The following INTS11 variants were observed in gnomAD, a reference collection of about 807,000 sequenced individuals.
The protein encoded by INTS11 is integrator complex subunit 11, also known as CPSF3-like protein.
Under a neutral mutation model 78.6 loss-of-function variants are expected in INTS11, and 77 were observed. The ratio of observed to expected loss-of-function variants is 0.98; its 90% confidence interval spans 0.81 to 1.18. INTS11 has a LOEUF of 1.18. INTS11 is among the 50% of genes most tolerant of loss of function. INTS11 has a pLI of 0.00. For synonymous variants in INTS11, 441 were observed against 326.9 expected, an observed-to-expected ratio of 1.35 and a Z score of -3.77; for missense variants, 875 against 825.9, an observed-to-expected ratio of 1.06 and a Z score of -0.73.
chr1:1,315,374 C>G (rs370437646), intron 6 of INTS11, 30 bp downstream of exon 6: 1 of 1,612,840 alleles, frequency 6.2e-7, no homozygotes, highest in African/African-American at 1.3e-5. Context: ...GGGGGGCCCA[C>G]GGGACAAAAA....
At chr1:1,317,556 C>T (rs1642693996) in intron 4 of INTS11, 1 of 514,530 alleles carries the variant, frequency 1.9e-6, no homozygotes, top group Non-Finnish European at 2.5e-6. Flanking sequence ...GAACGTCAGG[C>T]TCTCGGGGTC....
At position 1,312,445 on chromosome 1, in the gene INTS11, C is replaced by G; in HGVS notation, c.1459G>C (p.Asp487His). 6.4e-7 allele frequency: 1 copy of G among 1,569,992 alleles called. No individual in the cohort carries two copies. Among genetic ancestry groups the G allele is most frequent in the South Asian group, 1.2e-5 (1 of 85,918 alleles). Residue 487 changes from aspartate to histidine, a missense_variant, in exon 14 of 17, where the codon GAC (aspartate) becomes CAC (histidine). Coordinates refer to ENST00000435064, the MANE Select transcript of INTS11 (RefSeq NM_017871.6). Reference sequence around the variant, plus strand: ...GAGACCGTCCTGGCACTCACGCTGTCCTTCATGATCAGGGTGCCGTGCAGG... The same window carrying G: ...GAGACCGTCCTGGCACTCACGCTGTGCTTCATGATCAGGGTGCCGTGCAGG... Reference protein sequence around the residue: ...RLLHGTLIMKDSNFRLVSSEQ... With the variant: ...RLLHGTLIMKHSNFRLVSSEQ...
At position 1,319,792 on chromosome 1, in the gene INTS11, G is replaced by A. The variant is rs555786403; in HGVS notation, c.201-268C>T. 2.4e-4 allele frequency: 113 copies of A among 473,248 alleles called. 1 individual carries two copies. The East Asian group carries it at 2.5e-3, about 10-fold the overall frequency. The allele number at this position is 473,248 out of a possible 1,614,324, so 29.3% of individuals were successfully genotyped here. A position where few individuals can be genotyped will look rare whatever the true frequency, so the allele number is the denominator to read the frequency against. On this transcript the variant is annotated intron_variant, in intron 3 of 16. Transcript: ENST00000435064. ...ACAATGCAAAGCTGCTGAGGGAACC[G>A]CGCATAGGGGAGCCGCTGGCTTTTC...
rs199575761 is a variant in INTS11, at chr1:1,313,765, G to A, written c.924C>T (p.Phe308=). Residue 308 remains phenylalanine (F), a synonymous_variant, in exon 9 of 17, where the codon TTC becomes TTT. Coordinates refer to ENST00000435064, the MANE Select transcript of INTS11 (RefSeq NM_017871.6). ...NMFEFKHIKA[F]DRAFADNPGP... is the part of the protein sequence containing the mutation. ...CTGGGTTGTCAGCAAAAGCCCGGTC[G>A]AAGGCCTTGATGTGCTTGAACTCAA... The A allele has an allele frequency of 8.1e-5, 130 of 1,613,144 alleles. 2 individuals carry two copies. Among genetic ancestry groups the A allele is most frequent in the Non-Finnish European group, 1.0e-4 (121 of 1,179,974 alleles).
Position 1,313,768 on chromosome 1 carries a change from G to C in INTS11, c.921C>G (p.Ala307=). 6.2e-7 allele frequency: 1 copy of C among 1,613,314 alleles called. No homozygotes were observed. The highest frequency in any genetic ancestry group is 8.5e-7 in the Non-Finnish European group (1 of 1,179,986). The part of the protein sequence containing the change: ...RNMFEFKHIK[A]FDRAFADNPG... Reference sequence around the variant, plus strand: ...GGTTGTCAGCAAAAGCCCGGTCGAAGGCCTTGATGTGCTTGAACTCAAACA... The same window carrying C: ...GGTTGTCAGCAAAAGCCCGGTCGAACGCCTTGATGTGCTTGAACTCAAACA... The change falls in exon 9 of 17, where the codon GCC becomes GCG. Residue 307 remains alanine (A), a synonymous_variant. Coordinates refer to ENST00000435064, the MANE Select transcript of INTS11 (RefSeq NM_017871.6).
rs1259767060 is a variant in INTS11 at position 1,314,861 on chromosome 1, AG to A, written c.664del (p.Leu222Ter). Reference protein sequence around the residue: ...DSKRCRERDFLKKVHETVERG... With the variant: ...DSKRCRERDFXKKVHETVERG... ...CTCCACGGTCTCGTGGACTTTCTTC[AG>A]GAAGTCTCGCTCCCGGCAGCGCTTG... On this transcript the variant is annotated frameshift_variant, in exon 7 of 17. Coordinates refer to ENST00000435064, the MANE Select transcript of INTS11 (RefSeq NM_017871.6). LOFTEE classifies it high-confidence loss of function. This position sits in a 1 kb window ranked among gnomAD's most constrained non-coding sequence, Gnocchi z 4.2. The A allele has an allele frequency of 3.1e-6, 5 of 1,612,738 alleles. No homozygotes were observed. Among genetic ancestry groups the A allele is most frequent in the Non-Finnish European group, 4.2e-6 (5 of 1,179,858 alleles).
At chr1:1,322,883 T>G in intron 1 of INTS11, 1 of 1,215,240 alleles carries the variant, frequency 8.2e-7, no homozygotes, top group East Asian at 4.0e-5. Flanking sequence ...ACTTCGGCTT[T>G]GATGATACCT....
chr1:1,324,015 G>A (rs1159095389), intron 1 of INTS11, among the ~76,000 whole-genome samples: 2 of 29,216 alleles, frequency 6.8e-5, no homozygotes, highest in East Asian at 1.7e-3. Flanking sequence ...GGTCTGCTGG[G>A]CTGAGGGTCT....
At chr1:1,315,208 G>A in intron 6 of INTS11, 196 bp downstream of exon 6, 1 of 745,716 alleles carries the variant, frequency 1.3e-6, no homozygotes. Flanking sequence ...GGAAGAGAGA[G>A]AAGGAGGGAC....
Position 1,312,573 on chromosome 1 carries a change from G to A in INTS11, c.1402+20C>T. 5 of 1,576,658 alleles carry A rather than the reference G, an allele frequency of 3.2e-6. No homozygotes were observed. The highest frequency in any genetic ancestry group is 4.3e-6 in the Non-Finnish European group (5 of 1,157,960). Reference sequence around the variant, plus strand: ...CCGCCTGCCCCGAGCACCCTGCCCTGCCCTGCCCAGCCCGCATACCCTGCG... The same window carrying A: ...CCGCCTGCCCCGAGCACCCTGCCCTACCCTGCCCAGCCCGCATACCCTGCG... On this transcript the variant is annotated intron_variant, in intron 13 of 16. Coordinates refer to ENST00000435064, the MANE Select transcript of INTS11 (RefSeq NM_017871.6).
chr1:1,314,528 G>A lies in INTS11; in HGVS notation c.703-163C>T, dbSNP rs1351904562. ...CCCAGCCGCTCTCCAGAGACAGAAG[G>A]GAGCCGTATGAGAGACAGGAGGGAG... On this transcript the variant is annotated intron_variant, in intron 7 of 16. Coordinates refer to ENST00000435064, the MANE Select transcript of INTS11 (RefSeq NM_017871.6). This position sits in a 1 kb window ranked among gnomAD's most constrained non-coding sequence, Gnocchi z 4.2. 6.0e-6 allele frequency: 4 copies of A among 671,668 alleles called. No individual in the cohort carries two copies. The highest frequency in any genetic ancestry group is 3.0e-5 in the Admixed American group (1 of 33,890). 41.6% of individuals were successfully genotyped at this position (671,668 alleles called of 1,614,324 possible). A position where few individuals can be genotyped will look rare whatever the true frequency, so the allele number is the denominator to read the frequency against.
Position 1,314,674 on chromosome 1 carries a change from T to A in INTS11, c.702+150A>T. 1 of 1,023,204 alleles carries A rather than the reference T, an allele frequency of 9.8e-7. No homozygotes were observed. 63.4% of individuals were successfully genotyped at this position (1,023,204 alleles called of 1,614,324 possible). A position where few individuals can be genotyped will look rare whatever the true frequency, so the allele number is the denominator to read the frequency against. Reference sequence around the variant, plus strand: ...GGAAAGGGTCTCTGAGTTTTCCTCCTCAATGTTGAGCAAATCTTCTTCCCT... The same window carrying A: ...GGAAAGGGTCTCTGAGTTTTCCTCCACAATGTTGAGCAAATCTTCTTCCCT... On this transcript the variant is annotated intron_variant, in intron 7 of 16. Coordinates refer to ENST00000435064, the MANE Select transcript of INTS11 (RefSeq NM_017871.6). The surrounding 1 kb of genome is among the most constrained non-coding windows in gnomAD (Gnocchi z 4.2).
intron 6 of INTS11, 176 bp from the exon 7 acceptor site, chr1:1,315,138 C>CA: frequency 1.2e-6 from 1 of 804,846 alleles, no homozygotes; most frequent in Non-Finnish European, 1.9e-6. Flanking sequence ...AGAGGAGAGA[C>CA]AGAGGCACCC....
chr1:1,312,181 T>G (rs1478253897), intron 15 of INTS11, 34 bp from the exon 16 acceptor site: 1 of 1,362,966 alleles, frequency 7.3e-7, no homozygotes, highest in Non-Finnish European at 9.4e-7. Context: ...CTGCCTGGCC[T>G]CCAGGGCCCA....
At chr1:1,313,168 G>A in intron 10 of INTS11, 44 bp from the exon 11 acceptor site, 1 of 1,569,574 alleles carries the variant, frequency 6.4e-7, no homozygotes, top group Non-Finnish European at 8.6e-7. Context: ...CTCCAGCCTT[G>A]GCACCTCAAG....
chr1:1,315,510 T>C lies in INTS11; in HGVS notation c.528+10A>G. The C allele has an allele frequency of 6.2e-7, 1 of 1,612,132 alleles. No homozygotes were observed. The highest frequency in any genetic ancestry group is 8.5e-7 in the Non-Finnish European group (1 of 1,179,346). ...GCAGCCCCTCCCAAGCCTCAAGCCC[T>C]TCCACTGACCGTGTAGACCACAGAC... On this transcript the variant is annotated intron_variant, in intron 5 of 16. Coordinates refer to ENST00000435064, the MANE Select transcript of INTS11 (RefSeq NM_017871.6).
Position 1,312,356 on chromosome 1 carries a change from C to T in INTS11, c.1477G>A (p.Val493Met), listed in dbSNP as rs144825920. The change falls in exon 15 of 17, where the codon GTG becomes ATG. Residue 493 changes from valine (V) to methionine (M), a missense_variant. Coordinates refer to ENST00000435064, the MANE Select transcript of INTS11 (RefSeq NM_017871.6). The stretch of plus-strand genomic sequence containing the variant: ...TCTTTGAGGGCTTGCTCTGAGGACA[C>T]CAGCCGGAAGTTCTGTGGGGCAGGG... ...LIMKDSNFRL[V>M]SSEQALKELG... The T allele has an allele frequency of 3.0e-4, 466 of 1,564,678 alleles. No individual in the cohort carries two copies. The African/African-American group carries it at 4.1e-3, about 14-fold the overall frequency.
rs762009930 is a variant in INTS11, at chr1:1,312,426, G to A, written c.1464+14C>T. 3.6e-5 allele frequency: 57 copies of A among 1,566,204 alleles called. No individual in the cohort carries two copies. Among genetic ancestry groups the A allele is most frequent in the Admixed American group, 1.7e-4 (9 of 53,114 alleles). On this transcript the variant is annotated intron_variant, in intron 14 of 16. Transcript: ENST00000435064. ...AGCGGCCCTCCCCCCTCCAGAGACC[G>A]TCCTGGCACTCACGCTGTCCTTCAT...
rs374869753 is a variant in INTS11 at position 1,312,170 on chromosome 1, C to T, written c.1608-23G>A. 1,047 of 1,503,010 alleles carry T rather than the reference C, an allele frequency of 7.0e-4. 11 individuals are homozygous for T. In the South Asian group the frequency reaches 7.8e-3, roughly 11 times the overall value. 93.1% of individuals were successfully genotyped at this position (1,503,010 alleles called of 1,614,324 possible). On this transcript the variant is annotated intron_variant, in intron 15 of 16. Transcript: ENST00000435064. ...ACGCTGTGGGGAGGCTCGGTGAGAC[C>T]CTGCCTGGCCTCCAGGGCCCAAGGG...
Sources: gnomAD v4.1 joint callset for allele counts (sites outside exome capture counted in the v4.1 genomes callset) on GRCh38, gnomAD v4.1.1 for gene constraint, Gnocchi (gnomAD v3.1) non-coding constraint, MANE v1.5 for transcripts, NCBI Gene and HGNC (gene_info 2026-07-23, HGNC 2026-07-21) for gene names.